IMMP2L: variants seen among roughly 807,000 people sequenced by gnomAD.
IMMP2L encodes the protein inner mitochondrial membrane peptidase subunit 2.
Under a neutral mutation model 19.3 loss-of-function variants are expected in IMMP2L, and 18 were observed. The ratio of observed to expected loss-of-function variants is 0.93; its 90% CI spans 0.64 to 1.38. IMMP2L has a LOEUF of 1.38. Among genes scored for constraint, IMMP2L ranks in the 40% most tolerant of loss-of-function variants. The pLI is 0.00. For synonymous variants in IMMP2L, 76 were observed against 73.0 expected (o/e 1.04, Z -0.21); for missense variants, 233 against 218.2 (o/e 1.07, Z -0.43).
At chr7:110,853,875 T>C (rs1051440384) in intron 5 of IMMP2L, among the ~76,000 whole-genome samples, 4 of 152,012 alleles carry the variant, frequency 2.6e-5, no homozygotes, top group African/African-American at 9.7e-5. Flanking sequence ...CTATAGTTCA[T>C]TGGACTATGT....
rs73201007 is a variant in IMMP2L at position 110,963,963 on chromosome 7, G to A, written c.240-398C>T. Among the ~76,000 whole-genome samples the A allele has an allele frequency of 2.3e-3, 317 of 137,084 alleles. 2 individuals carry two copies. Among genetic ancestry groups the A allele is most frequent in the Non-Finnish European group, 3.6e-3 (224 of 61,386 alleles). 89.9% of individuals were successfully genotyped at this position (137,084 alleles called of 152,430 possible). A position where few individuals can be genotyped will look rare whatever the true frequency, so the allele number is the denominator to read the frequency against. On this transcript the variant is annotated intron_variant, in intron 3 of 5. Transcript: ENST00000405709. ...TGTGTAGAGGGAGGGGACCTGGTGG[G>A]AGGTGACTGGATTATGGGGTTGGAT...
intron 3 of IMMP2L, among the ~76,000 whole-genome samples, chr7:111,046,680 G>C (rs1258651946): frequency 1.3e-5 from 2 of 152,146 alleles, no homozygotes; most frequent in Non-Finnish European, 2.9e-5. Context: ...CTACATAAAA[G>C]ATGAATATCA....
intron 3 of IMMP2L, among the ~76,000 whole-genome samples, chr7:111,436,843 G>T (rs1837220663): frequency 1.3e-5 from 2 of 151,802 alleles, no homozygotes; most frequent in South Asian, 4.1e-4. Context: ...GAGGGCCTGA[G>T]GAAGTTTCCA....
At position 111,123,321 on chromosome 7, in the gene IMMP2L, G is replaced by C; in HGVS notation, c.240-159756C>G. 1 of 1,613,804 alleles carries C rather than the reference G, an allele frequency of 6.2e-7. No individual in the cohort carries two copies. The highest frequency in any genetic ancestry group is 8.5e-7 in the Non-Finnish European group (1 of 1,179,920). ...GATTGCAGATGATCAACAGTAAGTG[G>C]TTTGATGCTCTTCCAAATCTAGAGA... On this transcript the variant is annotated intron_variant, in intron 3 of 5. Coordinates refer to ENST00000405709, the MANE Select transcript of IMMP2L (RefSeq NM_032549.4). This position sits in a 1 kb window ranked among gnomAD's most constrained non-coding sequence, Gnocchi z 6.4.
intron 5 of IMMP2L, among the ~76,000 whole-genome samples, chr7:110,771,357 A>G (rs1253305793): frequency 6.6e-6 from 1 of 152,066 alleles, no homozygotes; most frequent in African/African-American, 2.4e-5. Flanking sequence ...TTTGAGACAT[A>G]ATGAGAAAAA....
intron 3 of IMMP2L, among the ~76,000 whole-genome samples, chr7:111,098,331 C>G (rs187300800): frequency 6.6e-6 from 1 of 151,876 alleles, no homozygotes; most frequent in Non-Finnish European, 1.5e-5. Context: ...TTTTTAAAAT[C>G]AGTGAGGCAT....
chr7:110,812,966 C>T (rs1330689192), intron 5 of IMMP2L, among the ~76,000 whole-genome samples: 1 of 152,008 alleles, frequency 6.6e-6, no homozygotes, highest in Non-Finnish European at 1.5e-5. Context: ...AGTGGTACTG[C>T]ATTTTTTATG....
At chr7:110,777,274 C>G (rs1029242362) in intron 5 of IMMP2L, among the ~76,000 whole-genome samples, 1 of 151,922 alleles carries the variant, frequency 6.6e-6, no homozygotes, top group African/African-American at 2.4e-5. Flanking sequence ...CTGGAAAACA[C>G]AGGCAATAAC....
chr7:111,537,905 T>C (rs1175416811), intron 1 of IMMP2L, among the ~76,000 whole-genome samples: 2 of 151,958 alleles, frequency 1.3e-5, no homozygotes, highest in Admixed American at 1.3e-4. Context: ...TGCCACACTT[T>C]TACTTGTCTC....
chr7:111,157,269 G>C (rs1262318559), intron 3 of IMMP2L, among the ~76,000 whole-genome samples: 1 of 152,048 alleles, frequency 6.6e-6, no homozygotes. Flanking sequence ...AGAGATATCT[G>C]TATTCCCATG....
intron 3 of IMMP2L, among the ~76,000 whole-genome samples, chr7:111,445,664 T>G (rs1272776639): frequency 1.3e-5 from 2 of 152,022 alleles, no homozygotes; most frequent in Admixed American, 6.6e-5. Context: ...GGGCGGAGAT[T>G]GGGAAATGGG....
At chr7:111,543,095 T>C (rs1348293029) in intron 1 of IMMP2L, among the ~76,000 whole-genome samples, 2 of 152,188 alleles carry the variant, frequency 1.3e-5, no homozygotes, top group East Asian at 3.8e-4. Flanking sequence ...AATATAACAT[T>C]TTCCACAATC....
intron 3 of IMMP2L, among the ~76,000 whole-genome samples, chr7:111,275,739 T>A (rs184005757): frequency 6.6e-6 from 1 of 152,314 alleles, no homozygotes; most frequent in East Asian, 1.9e-4. Flanking sequence ...TGTTTTGTAG[T>A]TCTACATATA....
chr7:110,850,630 A>G (rs1806114462), intron 5 of IMMP2L, among the ~76,000 whole-genome samples: 1 of 151,994 alleles, frequency 6.6e-6, no homozygotes. Context: ...GCTAAGCCCC[A>G]ATTTTAGGGC....
chr7:111,345,110 T>A (rs534090917), intron 3 of IMMP2L, among the ~76,000 whole-genome samples: 7 of 152,098 alleles, frequency 4.6e-5, no homozygotes, highest in Non-Finnish European at 8.8e-5. Context: ...TTATTAAGAA[T>A]GAAAACTGGA....
chr7:110,747,146 C>CTAGAAGAAAT lies in IMMP2L; in HGVS notation c.409-83435_409-83426dup, dbSNP rs1178910740. Among the ~76,000 whole-genome samples the CTAGAAGAAAT allele has an allele frequency of 7.2e-5, 11 of 152,212 alleles. No individual in the cohort carries two copies. In the East Asian group the frequency reaches 1.9e-3, roughly 27 times the overall value. ...ACCTCTACACAAATAAATAGAAAATCTAGAAGAAATAGGTAAATTCCTGGA... is the reference window on the plus strand; with the variant it reads ...ACCTCTACACAAATAAATAGAAAATCTAGAAGAAATTAGAAGAAATAGGTAAATTCCTGGA... On this transcript the variant is annotated intron_variant, in intron 5 of 5. Transcript: ENST00000405709.
chr7:111,020,292 A>C (rs1826148605), intron 3 of IMMP2L, among the ~76,000 whole-genome samples: 1 of 151,544 alleles, frequency 6.6e-6, no homozygotes, highest in South Asian at 2.1e-4. Flanking sequence ...GCTGAGACAG[A>C]AGAATTGCTT....
intron 4 of IMMP2L, among the ~76,000 whole-genome samples, chr7:110,945,263 T>A (rs537118300): frequency 4.1e-4 from 62 of 152,064 alleles, no homozygotes; most frequent in African/African-American, 1.5e-3. Context: ...CAGGAATGCA[T>A]AATAAGATTA....
Position 111,166,986 on chromosome 7 carries a change from T to C in IMMP2L, c.240-203421A>G, listed in dbSNP as rs527903969. Reference sequence around the variant, plus strand: ...TCCAAGTAGGATGAAATTCACAGGTTCTGAGAAATGGACACATCATTCGGA... The same window carrying C: ...TCCAAGTAGGATGAAATTCACAGGTCCTGAGAAATGGACACATCATTCGGA... On this transcript the variant is annotated intron_variant, in intron 3 of 5. Coordinates refer to ENST00000405709, the MANE Select transcript of IMMP2L (RefSeq NM_032549.4). Among the ~76,000 whole-genome samples, 52 of 152,060 alleles carry C rather than the reference T, an allele frequency of 3.4e-4. No individual in the cohort carries two copies. In the South Asian group the frequency reaches 0.011, roughly 32 times the overall value.
Sources: allele counts gnomAD v4.1 joint callset (sites outside exome capture counted in the v4.1 genomes callset), GRCh38; gene constraint gnomAD v4.1.1; non-coding constraint Gnocchi (gnomAD v3.1); transcripts MANE v1.5; gene names NCBI Gene and HGNC (gene_info 2026-07-23, HGNC 2026-07-21).